CNTNAP2: variants seen among roughly 807,000 people sequenced by gnomAD.
The protein encoded by CNTNAP2 is contactin-associated protein-like 2.
A neutral mutation model predicts 155.2 loss-of-function variants in CNTNAP2; 98 were observed. The ratio of observed to expected loss-of-function variants is 0.63; its 90% CI spans 0.54 to 0.75. The LOEUF is 0.75. Among genes scored for constraint, CNTNAP2 ranks in the 30% least tolerant of loss-of-function variants. CNTNAP2 has a pLI of 0.00. For missense variants in CNTNAP2, 1,727 were observed against 1,688.1 expected, an observed-to-expected ratio of 1.02 and a Z score of -0.40; for synonymous variants, 651 against 631.2, an observed-to-expected ratio of 1.03 and a Z score of -0.47.
intron 21 of CNTNAP2, among the ~76,000 whole-genome samples, chr7:148,331,768 T>C (rs7456991): frequency 0.54 from 6,940 of 12,890 alleles, 2,222 homozygotes; most frequent in East Asian, 0.65. Context: ...ATGGATTGGA[T>C]GGATGGAATG....
At chr7:146,617,645 A>G (rs1799248171) in intron 1 of CNTNAP2, among the ~76,000 whole-genome samples, 1 of 152,200 alleles carries the variant, frequency 6.6e-6, no homozygotes, top group Non-Finnish European at 1.5e-5. Flanking sequence ...GTTTTTGGCC[A>G]ATTAAAATTG....
At chr7:146,993,867 G>C (rs1214582718) in intron 3 of CNTNAP2, among the ~76,000 whole-genome samples, 1 of 152,048 alleles carries the variant, frequency 6.6e-6, no homozygotes, top group Non-Finnish European at 1.5e-5. Context: ...AACAAAAAAG[G>C]CTTGCCTTTG....
At chr7:148,002,230 C>T (rs1801911246) in intron 15 of CNTNAP2, among the ~76,000 whole-genome samples, 1 of 152,062 alleles carries the variant, frequency 6.6e-6, no homozygotes, top group Non-Finnish European at 1.5e-5. Context: ...CACCCTCCAG[C>T]CACGTGTATT....
At chr7:147,662,058 G>C (rs1304284722) in intron 13 of CNTNAP2, among the ~76,000 whole-genome samples, 1 of 152,086 alleles carries the variant, frequency 6.6e-6, no homozygotes, top group South Asian at 2.1e-4. Flanking sequence ...TTTAAGGTTT[G>C]CAAGAAAGGC....
rs73737996 is a variant in CNTNAP2 at position 146,178,416 on chromosome 7, T to C, written c.97+61443T>C. ...TATTTGCAGCTACTGTAAATTTTGA[T>C]ACATCAGATTTATCGAACATGCTAC... is the stretch of plus-strand genomic sequence containing the variant. On this transcript the variant is annotated intron_variant, in intron 1 of 23. Transcript: ENST00000361727. Among the ~76,000 whole-genome samples the C allele has an allele frequency of 6.1e-3, 926 of 152,328 alleles. 6 individuals are homozygous for C. The highest frequency in any genetic ancestry group is 0.021 in the African/African-American group (892 of 41,572).
At chr7:146,657,708 G>A (rs1240957847) in intron 1 of CNTNAP2, among the ~76,000 whole-genome samples, 2 of 152,056 alleles carry the variant, frequency 1.3e-5, no homozygotes, top group African/African-American at 2.4e-5. Flanking sequence ...TAGATCTAAG[G>A]TACAGACCTC....
chr7:147,364,862 A>T (rs1386250447), intron 9 of CNTNAP2, among the ~76,000 whole-genome samples: 1 of 152,092 alleles, frequency 6.6e-6, no homozygotes, highest in East Asian at 1.9e-4. Flanking sequence ...AAAAAAAAAA[A>T]AAATTCCTAG....
chr7:147,091,520 C>A (rs922420898), intron 4 of CNTNAP2, among the ~76,000 whole-genome samples: 1 of 152,054 alleles, frequency 6.6e-6, no homozygotes, highest in Non-Finnish European at 1.5e-5. Flanking sequence ...GGCACGATCT[C>A]GGCTCACTGC....
intron 3 of CNTNAP2, among the ~76,000 whole-genome samples, chr7:147,033,188 A>ATG (rs1484101420): frequency 1.0e-5 from 1 of 99,330 alleles, no homozygotes; most frequent in Non-Finnish European, 2.2e-5. Flanking sequence ...ATATATATAT[A>ATG]TATATATATA....
chr7:146,901,686 G>A (rs1562993207), intron 3 of CNTNAP2, among the ~76,000 whole-genome samples: 5 of 152,014 alleles, frequency 3.3e-5, no homozygotes, highest in Admixed American at 2.0e-4. Context: ...TACTTGGATT[G>A]GATATCAAAA....
intron 3 of CNTNAP2, among the ~76,000 whole-genome samples, chr7:146,842,438 T>A (rs1005208832): frequency 2.0e-5 from 3 of 152,126 alleles, no homozygotes; most frequent in African/African-American, 7.2e-5. Flanking sequence ...GTGAGCTCAT[T>A]ATAAAATTTT....
At chr7:148,320,416 A>C (rs1283835029) in intron 21 of CNTNAP2, among the ~76,000 whole-genome samples, 1 of 112,738 alleles carries the variant, frequency 8.9e-6, no homozygotes, top group Non-Finnish European at 1.7e-5. Context: ...TGGGGTCTCC[A>C]TAGGTCACCC....
intron 1 of CNTNAP2, among the ~76,000 whole-genome samples, chr7:146,342,853 T>C (rs1401877568): frequency 6.6e-6 from 1 of 152,222 alleles, no homozygotes; most frequent in Admixed American, 6.5e-5. Context: ...TTCTCTATTA[T>C]TCTTCATTTG....
At chr7:147,584,882 C>T (rs548429898) in intron 12 of CNTNAP2, among the ~76,000 whole-genome samples, 2 of 152,264 alleles carry the variant, frequency 1.3e-5, no homozygotes, top group Admixed American at 1.3e-4. Context: ...ATCCTCAGCT[C>T]CCAGGATCAG....
Position 146,580,353 on chromosome 7 carries a change from C to T in CNTNAP2, c.98-193918C>T, listed in dbSNP as rs894071889. Among the ~76,000 whole-genome samples the T allele has an allele frequency of 4.0e-5, 6 of 151,884 alleles. No homozygotes were observed. In the East Asian group the frequency reaches 9.7e-4, roughly 25 times the overall value. On this transcript the variant is annotated intron_variant, in intron 1 of 23. Coordinates refer to ENST00000361727, the MANE Select transcript of CNTNAP2 (RefSeq NM_014141.6). ...TTTGTTAGTGAAAGTAGGGCAGTGA[C>T]CACACCTTTATATAACTATTATTAC...
chr7:147,336,133 G>A lies in CNTNAP2; in HGVS notation c.1498+35843G>A, dbSNP rs543929284. Among the ~76,000 whole-genome samples the A allele has an allele frequency of 7.1e-3, 1,081 of 152,260 alleles. 11 individuals carry two copies. The highest frequency in any genetic ancestry group is 0.025 in the African/African-American group (1,018 of 41,540). On this transcript the variant is annotated intron_variant, in intron 9 of 23. Coordinates refer to ENST00000361727, the MANE Select transcript of CNTNAP2 (RefSeq NM_014141.6). ...ATCTTATATGACCTTCATTTGTGGAGTAAAAAGAACATATTTCAGAAGACA... is the reference window on the plus strand; with the variant it reads ...ATCTTATATGACCTTCATTTGTGGAATAAAAAGAACATATTTCAGAAGACA...
intron 13 of CNTNAP2, among the ~76,000 whole-genome samples, chr7:147,743,611 T>G (rs755717872): frequency 6.6e-6 from 1 of 152,198 alleles, no homozygotes; most frequent in Non-Finnish European, 1.5e-5. Context: ...TTCTGCTTTA[T>G]TCCGGTTGCC....
intron 1 of CNTNAP2, among the ~76,000 whole-genome samples, chr7:146,737,451 A>T (rs916338950): frequency 1.1e-4 from 16 of 152,252 alleles, no homozygotes; most frequent in African/African-American, 3.8e-4. Context: ...AGCCCCTGGT[A>T]ACCAGCATTT....
intron 3 of CNTNAP2, among the ~76,000 whole-genome samples, chr7:147,041,014 C>CACATTGCCCCAACAACAACA (rs1226599843): frequency 3.5e-4 from 53 of 152,134 alleles, no homozygotes; most frequent in African/African-American, 1.3e-3. Context: ...CCCCTACCAC[C>CACATTGCCCCAACAACAACA]ACATTGGTGT....
Sources: gnomAD v4.1 joint callset for allele counts (sites outside exome capture counted in the v4.1 genomes callset) on GRCh38, gnomAD v4.1.1 for gene constraint, MANE v1.5 for transcripts, NCBI Gene and HGNC (gene_info 2026-07-23, HGNC 2026-07-21) for gene names.